SEPHS1: variants seen among roughly 807,000 people sequenced by gnomAD.
SEPHS1 encodes selenophosphate synthetase 1.
A neutral mutation model predicts 39.2 loss-of-function variants in SEPHS1; 7 were observed. The observed-to-expected ratio is 0.18, with a 90% CI of 0.10 to 0.34. The LOEUF (loss-of-function observed/expected upper bound fraction) is 0.34. Ranked by LOEUF, SEPHS1 falls within the 10% of genes least tolerant of loss-of-function variation. The pLI, the probability that SEPHS1 is intolerant of heterozygous loss-of-function variation, is 1.00. For synonymous variants in SEPHS1, 190 were observed against 195.5 expected (o/e 0.97, Z 0.23); for missense variants, 253 against 514.5 (o/e 0.49, Z 4.92).
chr10:13,335,099 T>C (rs779488265), intron 4 of SEPHS1, among the ~76,000 whole-genome samples: 42 of 152,196 alleles, frequency 2.8e-4, no homozygotes, highest in Non-Finnish European at 5.1e-4. Flanking sequence ...GGGCAAACTG[T>C]TGGGGGCTCT....
intron 2 of SEPHS1, among the ~76,000 whole-genome samples, chr10:13,343,467 A>T (rs1833849818): frequency 6.6e-6 from 1 of 152,102 alleles, no homozygotes; most frequent in African/African-American, 2.4e-5. Context: ...AGTAAAGGAG[A>T]CCCCAGGCTC....
At chr10:13,339,633 G>C (rs570602431) in intron 2 of SEPHS1, among the ~76,000 whole-genome samples, 1 of 151,618 alleles carries the variant, frequency 6.6e-6, no homozygotes, top group Admixed American at 6.6e-5. Context: ...ATCTGTGGGG[G>C]ACTGGTTCCA....
chr10:13,327,379 C>G (rs1833335625), intron 7 of SEPHS1, among the ~76,000 whole-genome samples: 1 of 151,558 alleles, frequency 6.6e-6, no homozygotes, highest in East Asian at 1.9e-4. Flanking sequence ...CTAACCACTA[C>G]TTTAAAACAA....
intron 3 of SEPHS1, among the ~76,000 whole-genome samples, chr10:13,338,185 T>C (rs1833694280): frequency 6.6e-6 from 1 of 152,160 alleles, no homozygotes; most frequent in Non-Finnish European, 1.5e-5. Context: ...CACACGGTGG[T>C]GGGTGTGCAA....
intron 1 of SEPHS1, among the ~76,000 whole-genome samples, chr10:13,346,664 A>T (rs1023882454): frequency 2.0e-5 from 3 of 152,120 alleles, no homozygotes; most frequent in African/African-American, 7.2e-5. Context: ...CAAAAACAAC[A>T]AAGTCCTTTC....
chr10:13,328,278 T>C, intron 7 of SEPHS1, 73 bp downstream of exon 7: 3 of 1,032,140 alleles, frequency 2.9e-6, no homozygotes, highest in South Asian at 1.4e-5. Context: ...TGAGACAGTA[T>C]GTGGCCAGAA....
intron 4 of SEPHS1, among the ~76,000 whole-genome samples, chr10:13,334,956 A>G (rs1833583340): frequency 6.6e-6 from 1 of 152,160 alleles, no homozygotes; most frequent in Non-Finnish European, 1.5e-5. Flanking sequence ...CCATCCTACC[A>G]AGGCTTGGCT....
Position 13,322,023 on chromosome 10 carries a change from G to A in SEPHS1, c.964+812C>T, listed in dbSNP as rs11595473. ...TCTACCTACGCTTGCTCCATCTCCC[G>A]TTTATCCTCCATTTATGTTTCCTCT... On this transcript the variant is annotated intron_variant, in intron 8 of 8. Coordinates refer to ENST00000327347, the MANE Select transcript of SEPHS1 (RefSeq NM_012247.5). The A allele has an allele frequency of 2.6e-3, 1,193 of 454,440 alleles. 5 individuals are homozygous for A. The highest frequency in any genetic ancestry group is 4.1e-3 in the Non-Finnish European group (921 of 226,430). 28.2% of individuals were successfully genotyped at this position (454,440 alleles called of 1,614,324 possible).
At chr10:13,331,350 A>C (rs901873373) in intron 5 of SEPHS1, among the ~76,000 whole-genome samples, 1 of 152,150 alleles carries the variant, frequency 6.6e-6, no homozygotes, top group Non-Finnish European at 1.5e-5. Context: ...GTATATACCC[A>C]GTAATGGGAT....
intron 4 of SEPHS1, among the ~76,000 whole-genome samples, chr10:13,335,988 A>G (rs1833620125): frequency 6.6e-6 from 1 of 151,834 alleles, no homozygotes; most frequent in African/African-American, 2.4e-5. Flanking sequence ...CTCAAAAAAA[A>G]AAAAAAAAAA....
intron 8 of SEPHS1, among the ~76,000 whole-genome samples, chr10:13,321,843 A>G (rs966805803): frequency 6.6e-6 from 1 of 152,128 alleles, no homozygotes; most frequent in Non-Finnish European, 1.5e-5. Context: ...GAAGAGGAGG[A>G]CGTCCCACAA....
rs1017380286 is a variant in SEPHS1, at chr10:13,318,295, C to T, written c.*847G>A. 1.3e-5 allele frequency: 2 copies of T among 152,504 alleles called. No homozygotes were observed. The highest frequency in any genetic ancestry group is 4.8e-5 in the African/African-American group (2 of 41,410). The allele number at this position is 152,504 out of a possible 1,614,324, so 9.4% of individuals were successfully genotyped here. On this transcript the variant is annotated 3_prime_UTR_variant, in exon 9 of 9. Coordinates refer to ENST00000327347, the MANE Select transcript of SEPHS1 (RefSeq NM_012247.5). Reference sequence around the variant, plus strand: ...AAATAGAAAATGTATTAAACACTACCATCCACAGAACAGTCTTTACTATTG... The same window carrying T: ...AAATAGAAAATGTATTAAACACTACTATCCACAGAACAGTCTTTACTATTG...
chr10:13,325,913 AAAAAAAAAAAAAAAAAAAAAGAGAC>A lies in SEPHS1; in HGVS notation c.751+2413_751+2437del, dbSNP rs1833256714. ...TCCGTCTCAAAAAAAAAAAAAAAAA[AAAAAAAAAAAAAAAAAAAAAGAGAC>A]TCAGTCTCAAAAAAAAAAAAAAAAA... On this transcript the variant is annotated intron_variant, in intron 7 of 8. Transcript: ENST00000327347. Among the ~76,000 whole-genome samples, 14 of 71,940 alleles carry A rather than the reference AAAAAAAAAAAAAAAAAAAAAGAGAC, an allele frequency of 1.9e-4. 1 individual carries two copies. The highest frequency in any genetic ancestry group is 1.6e-3 in the African/African-American group (14 of 8,532). The allele number at this position is 71,940 out of a possible 152,430, so 47.2% of individuals were successfully genotyped here. A position where few individuals can be genotyped will look rare whatever the true frequency, so the allele number is the denominator to read the frequency against.
chr10:13,322,817 G>A lies in SEPHS1; in HGVS notation c.964+18C>T, dbSNP rs768855174. 39 of 1,608,740 alleles carry A rather than the reference G, an allele frequency of 2.4e-5. No homozygotes were observed. In the African/African-American group the frequency reaches 4.5e-4, roughly 19 times the overall value. On this transcript the variant is annotated intron_variant, in intron 8 of 8. Transcript: ENST00000327347. ...TAGCCTCACTATTTAGTCCTCAGAT[G>A]CGCCCAGCATCCTGTACCTGAAGTC...
intron 3 of SEPHS1, among the ~76,000 whole-genome samples, chr10:13,337,099 T>C (rs969407411): frequency 1.3e-5 from 2 of 151,960 alleles, no homozygotes; most frequent in African/African-American, 2.4e-5. Flanking sequence ...TGCAGTAAGC[T>C]GAGATCGTGC....
chr10:13,322,138 C>CTT, intron 8 of SEPHS1: 1 of 356,188 alleles, frequency 2.8e-6, no homozygotes, highest in Non-Finnish European at 5.2e-6. Context: ...GTATCATTCT[C>CTT]TTTTCTTTTT....
chr10:13,340,378 G>A (rs1833749711), intron 2 of SEPHS1, among the ~76,000 whole-genome samples: 1 of 152,136 alleles, frequency 6.6e-6, no homozygotes, highest in Non-Finnish European at 1.5e-5. Context: ...GTTTTCATCT[G>A]TCAGAGGAGA....
At chr10:13,327,163 C>T (rs1833325050) in intron 7 of SEPHS1, among the ~76,000 whole-genome samples, 1 of 145,902 alleles carries the variant, frequency 6.9e-6, no homozygotes, top group Non-Finnish European at 1.5e-5. Context: ...ACTGCTTGAA[C>T]CTGGTAGGTA....
In SEPHS1 at chr10:13,336,400, G is replaced by T. The variant is rs772621833; in HGVS notation, c.298-50C>A. The T allele has an allele frequency of 4.7e-5, 65 of 1,383,860 alleles. No homozygotes were observed. The Middle Eastern group carries it at 1.1e-3, about 22-fold the overall frequency. 85.7% of individuals were successfully genotyped at this position (1,383,860 alleles called of 1,614,324 possible). ...AAGGACGACCGGGGACTTTCCATCT[G>T]CAGAAACTGAGTGAGCCATGGAGTG... is the stretch of plus-strand genomic sequence containing the variant. On this transcript the variant is annotated intron_variant, in intron 3 of 8. Transcript: ENST00000327347.
Sources: gnomAD v4.1 joint callset for allele counts (sites outside exome capture counted in the v4.1 genomes callset) on GRCh38, gnomAD v4.1.1 for gene constraint, MANE v1.5 for transcripts, NCBI Gene and HGNC (gene_info 2026-07-23, HGNC 2026-07-21) for gene names.